NAA20: variants seen among roughly 807,000 people sequenced by gnomAD.
The protein encoded by NAA20 is N-alpha-acetyltransferase 20.
NAA20 carries 24 observed loss-of-function variants against 23.8 expected under a neutral mutation model. The observed-to-expected ratio is 1.01, with a 90% CI of 0.73 to 1.42. NAA20 has a LOEUF of 1.42. NAA20 is among the 40% of genes most tolerant of loss of function. NAA20 has a pLI of 0.00. For synonymous variants in NAA20, 83 were observed against 77.7 expected, an observed-to-expected ratio of 1.07 and a Z score of -0.36; for missense variants, 166 against 223.1, an observed-to-expected ratio of 0.74 and a Z score of 1.63.
intron 1 of NAA20, among the ~76,000 whole-genome samples, chr20:20,021,589 T>C (rs1261971920): frequency 6.6e-6 from 1 of 152,200 alleles, no homozygotes; most frequent in Admixed American, 6.5e-5. Context: ...TCAGTAGATA[T>C]TACGCGTATA....
chr20:20,027,990 TTAA>T (rs1451072107), intron 4 of NAA20, among the ~76,000 whole-genome samples: 1 of 152,192 alleles, frequency 6.6e-6, no homozygotes, highest in Non-Finnish European at 1.5e-5. Flanking sequence ...TAATTTCTAC[TTAA>T]TTATTAGATT....
At position 20,017,392 on chromosome 20, in the gene NAA20, G is replaced by GCGT; in HGVS notation, c.-3_-2insTCG. ...CGAACGGTCTTCGGAAGCGGCGGCG[G>GCGT]CGCGATGACCACGCTACGGGCCTTT... On this transcript the variant is annotated 5_prime_UTR_variant, in exon 1 of 6. Transcript: ENST00000334982. 6.2e-7 allele frequency: 1 copy of GCGT among 1,611,388 alleles called. No homozygotes were observed. The highest frequency in any genetic ancestry group is 8.5e-7 in the Non-Finnish European group (1 of 1,179,336).
rs780936223 is a variant in NAA20, at chr20:20,025,688, T to C, written c.90T>C (p.Pro30=). The part of the protein sequence containing the change: ...LDPLTETYGI[P]FYLQYLAHWP... ...TAACAGGACTCTAGTATGGGATTCC[T>C]TTCTACCTACAATACCTCGCCCACT... Residue 30 remains proline (P), a synonymous_variant, in exon 3 of 6, where the codon CCT becomes CCC. Transcript: ENST00000334982. The C allele has an allele frequency of 1.9e-6, 3 of 1,610,518 alleles. No individual in the cohort carries two copies. Among genetic ancestry groups the C allele is most frequent in the Non-Finnish European group, 2.5e-6 (3 of 1,176,712 alleles).
At position 20,032,545 on chromosome 20, in the gene NAA20, T is replaced by C; in HGVS notation, c.343T>C (p.Ser115Pro). Reference sequence around the variant, plus strand: ...TTTTGTGGATCTCTTTGTAAGAGTATCTAACCAAGTTGCAGTTAACATGTA... The same window carrying C: ...TTTTGTGGATCTCTTTGTAAGAGTACCTAACCAAGTTGCAGTTAACATGTA... ...GFFVDLFVRVSNQVAVNMYKQ... is the reference protein window; with the variant it reads ...GFFVDLFVRVPNQVAVNMYKQ... The change falls in exon 5 of 6, where the codon TCT becomes CCT. Residue 115 changes from serine (S) to proline (P), a missense_variant. Physicochemically the swap from Ser to Pro is moderately conservative, Grantham distance 74 (BLOSUM62 -1). Transcript: ENST00000334982. The C allele has an allele frequency of 1.2e-6, 2 of 1,613,622 alleles. No homozygotes were observed. Among genetic ancestry groups the C allele is most frequent in the African/African-American group, 1.3e-5 (1 of 75,024 alleles).
intron 4 of NAA20, among the ~76,000 whole-genome samples, chr20:20,028,791 A>C (rs2043323516): frequency 6.6e-6 from 1 of 152,238 alleles, no homozygotes; most frequent in South Asian, 2.1e-4. Context: ...AGAAAAATTG[A>C]ATGATAGAAG....
chr20:20,033,291 G>T lies in NAA20; in HGVS notation c.*104G>T, dbSNP rs6136919. 19 of 900,124 alleles carry T rather than the reference G, an allele frequency of 2.1e-5. No homozygotes were observed. Among genetic ancestry groups the T allele is most frequent in the Admixed American group, 9.9e-5 (4 of 40,284 alleles). 55.8% of individuals were successfully genotyped at this position (900,124 alleles called of 1,614,324 possible). On this transcript the variant is annotated 3_prime_UTR_variant, in exon 6 of 6. Transcript: ENST00000334982. ...TATTAGGAGAAAAGTAATCATTTTA[G>T]GTCTTAAAGACTTCAAGAAAATACA...
Position 20,026,936 on chromosome 20 carries a change from C to G in NAA20, c.305+17C>G. ...TTCAGAAAGGTGAGATTCAGTTTTT[C>G]AAATACACTTAGTGATTTGTGGACC... is the stretch of plus-strand genomic sequence containing the variant. On this transcript the variant is annotated intron_variant, in intron 4 of 5. Transcript: ENST00000334982. The G allele has an allele frequency of 6.2e-7, 1 of 1,613,968 alleles. No individual in the cohort carries two copies.
At chr20:20,024,116 T>G (rs1378362694) in intron 2 of NAA20, among the ~76,000 whole-genome samples, 1 of 152,236 alleles carries the variant, frequency 6.6e-6, no homozygotes, top group Admixed American at 6.5e-5. Context: ...AAGCCTAGGA[T>G]GTTAACTATT....
intron 2 of NAA20, among the ~76,000 whole-genome samples, chr20:20,023,312 CAAA>C (rs377441191): frequency 4.3e-5 from 5 of 115,716 alleles, no homozygotes; most frequent in Non-Finnish European, 5.2e-5. Context: ...GACTCCGTCT[CAAA>C]AAAAAAAAAA....
intron 2 of NAA20, among the ~76,000 whole-genome samples, chr20:20,024,057 C>T (rs1190795498): frequency 1.3e-5 from 2 of 152,140 alleles, no homozygotes; most frequent in Non-Finnish European, 2.9e-5. Flanking sequence ...ATATTTTTTT[C>T]TGTGGCTTTT....
At chr20:20,025,633 T>A in intron 2 of NAA20, 44 bp from the exon 3 acceptor site, 1 of 1,449,864 alleles carries the variant, frequency 6.9e-7, no homozygotes, top group South Asian at 1.2e-5. Context: ...AATGAAGAAC[T>A]TTTTACTGTC....
chr20:20,018,830 G>C (rs890605606), intron 1 of NAA20: 8 of 960,322 alleles, frequency 8.3e-6, no homozygotes, highest in Non-Finnish European at 8.7e-6. Flanking sequence ...TTGTGTATGA[G>C]TAAACCAAGG....
chr20:20,023,485 A>G (rs1476844203), intron 2 of NAA20, among the ~76,000 whole-genome samples: 1 of 152,092 alleles, frequency 6.6e-6, no homozygotes, highest in Non-Finnish European at 1.5e-5. Context: ...CTTTGAGGTA[A>G]CAATGAACAG....
At chr20:20,021,982 G>A (rs914247488) in intron 1 of NAA20, among the ~76,000 whole-genome samples, 4 of 152,132 alleles carry the variant, frequency 2.6e-5, no homozygotes, top group African/African-American at 9.7e-5. Flanking sequence ...GTGTAGAATA[G>A]GAGTGGGGAG....
chr20:20,023,077 C>T (rs1318642483), intron 2 of NAA20, among the ~76,000 whole-genome samples: 2 of 152,020 alleles, frequency 1.3e-5, no homozygotes, highest in East Asian at 1.9e-4. Flanking sequence ...CGAGGTCAGG[C>T]GTTCAAGACC....
At chr20:20,031,566 A>C (rs938188596) in intron 4 of NAA20, among the ~76,000 whole-genome samples, 2 of 152,236 alleles carry the variant, frequency 1.3e-5, no homozygotes, top group African/African-American at 4.8e-5. Context: ...GGATTCATAT[A>C]TTCAGCTTCA....
chr20:20,024,926 A>G (rs545043109), intron 2 of NAA20, among the ~76,000 whole-genome samples: 55 of 152,350 alleles, frequency 3.6e-4, no homozygotes, highest in Non-Finnish European at 5.7e-4. Context: ...TTGCATCAGA[A>G]AGTTTATACT....
chr20:20,023,455 A>G (rs1166877314), intron 2 of NAA20, among the ~76,000 whole-genome samples: 1 of 152,178 alleles, frequency 6.6e-6, no homozygotes, highest in Non-Finnish European at 1.5e-5. Context: ...ATAAATTGGG[A>G]CTTGTTACTA....
At chr20:20,032,822 TTAAC>T (rs2043356477) in intron 5 of NAA20, among the ~76,000 whole-genome samples, 169 bp downstream of exon 5, 1 of 152,236 alleles carries the variant, frequency 6.6e-6, no homozygotes, top group African/African-American at 2.4e-5. Flanking sequence ...AACTTACCTA[TTAAC>T]TAACCAATGG....
Sources: gnomAD v4.1 joint callset for allele counts (sites outside exome capture counted in the v4.1 genomes callset) on GRCh38, gnomAD v4.1.1 for gene constraint, MANE v1.5 for transcripts, NCBI Gene and HGNC (gene_info 2026-07-23, HGNC 2026-07-21) for gene names.